Variants in SHQ1 observed in about 807,000 individuals in gnomAD.
The protein encoded by SHQ1 is SHQ1, H/ACA ribonucleoprotein assembly factor.
A neutral mutation model predicts 53.8 loss-of-function variants in SHQ1; 49 were observed. The ratio of observed to expected loss-of-function variants is 0.91; its 90% confidence interval spans 0.72 to 1.16. The LOEUF is 1.16. Ranked by LOEUF, SHQ1 falls within the 50% of genes most tolerant of loss-of-function variation. SHQ1 has a pLI of 0.00. For synonymous variants in SHQ1, 243 were observed against 251.0 expected (o/e 0.97, Z 0.30); for missense variants, 738 against 683.1 (o/e 1.08, Z -0.90).
At chr3:72,762,460 A>C (rs909274212) in intron 10 of SHQ1, among the ~76,000 whole-genome samples, 1 of 152,140 alleles carries the variant, frequency 6.6e-6, no homozygotes, top group African/African-American at 2.4e-5. Context: ...AATTTGCCAC[A>C]TTTCTCTCTA....
chr3:72,813,986 C>T (rs1333064136), intron 8 of SHQ1, among the ~76,000 whole-genome samples: 1 of 151,542 alleles, frequency 6.6e-6, no homozygotes, highest in Non-Finnish European at 1.5e-5. Context: ...ACTAAAAACA[C>T]TAAACAAAAG....
At chr3:72,808,525 A>C (rs1447498771) in intron 9 of SHQ1, among the ~76,000 whole-genome samples, 1 of 152,116 alleles carries the variant, frequency 6.6e-6, no homozygotes. Context: ...CTATTTGCAA[A>C]ATGGGGATAG....
the SHQ1 span, among the ~76,000 whole-genome samples, chr3:72,737,352 A>AAGGAG: frequency 5.3e-5 from 8 of 152,036 alleles, no homozygotes; most frequent in Non-Finnish European, 7.4e-5. Context: ...GGAAGGGGAG[A>AAGGAG]AGGAGAGGAG....
In SHQ1 at chr3:72,750,264, T is replaced by C. The variant is rs1177564112; in HGVS notation, c.*20A>G. Reference sequence around the variant, plus strand: ...CCCAATCTACCATATTTCTCAACAATGAATAAAACCACCTAAGAGTCAATT... The same window carrying C: ...CCCAATCTACCATATTTCTCAACAACGAATAAAACCACCTAAGAGTCAATT... On this transcript the variant is annotated 3_prime_UTR_variant, in exon 11 of 11. Transcript: ENST00000325599. 2.6e-6 allele frequency: 4 copies of C among 1,540,090 alleles called. No homozygotes were observed. Among genetic ancestry groups the C allele is most frequent in the Non-Finnish European group, 3.5e-6 (4 of 1,136,896 alleles).
intron 2 of SHQ1, among the ~76,000 whole-genome samples, chr3:72,842,658 CT>C (rs1708209454): frequency 6.6e-6 from 1 of 152,054 alleles, no homozygotes; most frequent in South Asian, 2.1e-4. Context: ...AAATACATGT[CT>C]TGGTAAAACA....
chr3:72,792,837 G>T, intron 10 of SHQ1, 79 bp downstream of exon 10: 11 of 723,486 alleles, frequency 1.5e-5, no homozygotes, highest in Admixed American at 2.7e-5. Context: ...AGGTTATTTC[G>T]TTTTCTTCCT....
downstream of SHQ1, among the ~76,000 whole-genome samples, chr3:72,746,071 G>T (rs1283945554): frequency 1.3e-5 from 2 of 152,160 alleles, no homozygotes; most frequent in African/African-American, 4.8e-5. Context: ...TCGAACTCCT[G>T]ACCTCAAGTG....
At chr3:72,733,023 G>C in the SHQ1 span, among the ~76,000 whole-genome samples, 7 of 151,620 alleles carry the variant, frequency 4.6e-5, no homozygotes, top group East Asian at 1.2e-3. Flanking sequence ...AGATGGGTGG[G>C]GGTGCTGAGC....
chr3:72,765,889 G>A (rs980311933), intron 10 of SHQ1, among the ~76,000 whole-genome samples: 6 of 151,862 alleles, frequency 4.0e-5, no homozygotes, highest in African/African-American at 1.2e-4. Context: ...TTCAAGCCCC[G>A]AACAAAACAG....
intron 9 of SHQ1, among the ~76,000 whole-genome samples, chr3:72,810,546 C>A (rs1171303653): frequency 6.6e-6 from 1 of 152,130 alleles, no homozygotes; most frequent in Non-Finnish European, 1.5e-5. Flanking sequence ...TCATTACTTT[C>A]AACTATGGAA....
intron 10 of SHQ1, among the ~76,000 whole-genome samples, chr3:72,764,322 T>C (rs1320914474): frequency 6.6e-6 from 1 of 152,108 alleles, no homozygotes; most frequent in Non-Finnish European, 1.5e-5. Flanking sequence ...TGCTAGATTA[T>C]TTGCATGAGC....
intron 10 of SHQ1, among the ~76,000 whole-genome samples, chr3:72,768,778 T>C (rs1460341088): frequency 2.0e-5 from 3 of 152,206 alleles, no homozygotes; most frequent in Non-Finnish European, 2.9e-5. Flanking sequence ...TGGTCATCCA[T>C]AGTGTGCCTT....
intron 5 of SHQ1, among the ~76,000 whole-genome samples, chr3:72,828,616 C>T (rs369528587): frequency 2.7e-5 from 4 of 149,450 alleles, no homozygotes; most frequent in Non-Finnish European, 4.4e-5. Flanking sequence ...ATGACTTGAA[C>T]CCCGGGAGGC....
intron 10 of SHQ1, among the ~76,000 whole-genome samples, chr3:72,779,985 A>G (rs1291344914): frequency 6.6e-6 from 1 of 152,224 alleles, no homozygotes; most frequent in Non-Finnish European, 1.5e-5. Flanking sequence ...CTATAATCCT[A>G]GCACTTTTGG....
the SHQ1 span, among the ~76,000 whole-genome samples, chr3:72,727,310 C>T: frequency 1.3e-5 from 2 of 152,242 alleles, no homozygotes; most frequent in Non-Finnish European, 1.5e-5. Context: ...CCACCCCATG[C>T]GGCTGCCCCC....
At chr3:72,745,821 G>A (rs934855843), downstream of SHQ1, among the ~76,000 whole-genome samples, 1 of 151,428 alleles carries the variant, frequency 6.6e-6, no homozygotes, top group Non-Finnish European at 1.5e-5. Context: ...CACCCTGAAC[G>A]CGCCTGATCT....
At chr3:72,826,593 A>G (rs1016021605) in intron 5 of SHQ1, among the ~76,000 whole-genome samples, 6 of 152,260 alleles carry the variant, frequency 3.9e-5, no homozygotes, top group Non-Finnish European at 7.3e-5. Context: ...CAATTACAAT[A>G]TAGCAAAATG....
At position 72,751,527 on chromosome 3, in the gene SHQ1, TATAC is replaced by T. The variant is rs1394409834; in HGVS notation, c.1182-695_1182-692del. Among the ~76,000 whole-genome samples the T allele has an allele frequency of 1.7e-3, 236 of 138,666 alleles. 8 individuals are homozygous for T. Among genetic ancestry groups the T allele is most frequent in the African/African-American group, 6.5e-3 (221 of 33,902 alleles). The allele number at this position is 138,666 out of a possible 152,430, so 91.0% of individuals were successfully genotyped here. On this transcript the variant is annotated intron_variant, in intron 10 of 10. Transcript: ENST00000325599. ...GTGTGTGTATATATATATATATATA[TATAC>T]ATATACATACACTAATAAAGCCTAA...
In SHQ1 at chr3:72,817,240, C is replaced by G. The variant is rs1465577664; in HGVS notation, c.872G>C (p.Gly291Ala). The change falls in exon 7 of 11, where the codon GGA becomes GCA. Residue 291 changes from glycine to alanine, a missense_variant. By Grantham distance (60) the Gly-to-Ala change is moderately conservative. Transcript: ENST00000325599. ...AYCYETRVTEGEKNVESAWNI... is the reference protein window; with the variant it reads ...AYCYETRVTEAEKNVESAWNI... ...CATACATGCACTTACATTCTTCTCTCCTTCAGTGACACGGGTTTCATAGCA... is the reference window on the plus strand; with the variant it reads ...CATACATGCACTTACATTCTTCTCTGCTTCAGTGACACGGGTTTCATAGCA... The G allele has an allele frequency of 1.9e-6, 3 of 1,612,918 alleles. No individual in the cohort carries two copies. Among genetic ancestry groups the G allele is most frequent in the Non-Finnish European group, 8.5e-7 (1 of 1,179,452 alleles).
Sources: gnomAD v4.1 joint callset for allele counts (sites outside exome capture counted in the v4.1 genomes callset) on GRCh38, gnomAD v4.1.1 for gene constraint, MANE v1.5 for transcripts, NCBI Gene and HGNC (gene_info 2026-07-23, HGNC 2026-07-21) for gene names.